Variants in CTNNA2 observed in about 807,000 individuals in gnomAD.
The protein encoded by CTNNA2 is catenin alpha-2.
CTNNA2 carries 42 observed loss-of-function variants against 101.0 expected under a neutral mutation model. The ratio of observed to expected loss-of-function variants is 0.42; its 90% CI spans 0.32 to 0.54. The LOEUF is 0.54. Ranked by LOEUF, CTNNA2 falls within the 20% of genes least tolerant of loss-of-function variation. The pLI is 0.14. For synonymous variants in CTNNA2, 450 were observed against 456.4 expected (o/e 0.99, Z 0.18); for missense variants, 871 against 1,223.1 (o/e 0.71, Z 4.29).
intron 7 of CTNNA2, among the ~76,000 whole-genome samples, chr2:80,025,189 G>A (rs1694856278): frequency 2.0e-5 from 3 of 152,122 alleles, no homozygotes; most frequent in Non-Finnish European, 2.9e-5. Context: ...GGTGGGTAGC[G>A]GGATGGGCCA....
intron 2 of CTNNA2, among the ~76,000 whole-genome samples, chr2:79,243,770 C>T (rs761795741): frequency 7.2e-5 from 11 of 151,840 alleles, no homozygotes; most frequent in South Asian, 2.1e-4. Context: ...TAAGATTAAC[C>T]GAGGGAAGGG....
At chr2:79,362,880 CAG>C (rs1677662767) in intron 3 of CTNNA2, among the ~76,000 whole-genome samples, 1 of 152,152 alleles carries the variant, frequency 6.6e-6, no homozygotes, top group Admixed American at 6.5e-5. Flanking sequence ...TTTCAAGCCG[CAG>C]AGACTGGGGA....
rs963963067 is a variant in CTNNA2, at chr2:80,575,773, A to AACAC, written c.1893+1471_1893+1474dup. ...ATTCACTTACTAATTCATGAGCTGT[A>AACAC]ACACACACACACACATACACACACA... On this transcript the variant is annotated intron_variant, in intron 13 of 18. Transcript: ENST00000402739. Among the ~76,000 whole-genome samples the AACAC allele has an allele frequency of 2.6e-5, 4 of 151,558 alleles. No homozygotes were observed. The East Asian group carries it at 7.7e-4, about 29-fold the overall frequency.
intron 1 of CTNNA2, among the ~76,000 whole-genome samples, chr2:79,600,876 G>C (rs763839103): frequency 6.6e-6 from 1 of 151,958 alleles, no homozygotes; most frequent in Non-Finnish European, 1.5e-5. Context: ...TCATCTCTCT[G>C]CTGTTTCTTA....
intron 2 of CTNNA2, among the ~76,000 whole-genome samples, chr2:79,705,676 TTTAC>T (rs1363563094): frequency 6.6e-6 from 1 of 152,192 alleles, no homozygotes; most frequent in Non-Finnish European, 1.5e-5. Context: ...CTGTTTGTCC[TTTAC>T]TTGAGGACCT....
At chr2:80,495,773 T>C (rs1273472174) in intron 9 of CTNNA2, among the ~76,000 whole-genome samples, 1 of 151,724 alleles carries the variant, frequency 6.6e-6, no homozygotes, top group East Asian at 1.9e-4. Context: ...ACCCCATCTC[T>C]ACTAAAAAAT....
intron 4 of CTNNA2, among the ~76,000 whole-genome samples, chr2:79,411,512 A>T (rs1005452187): frequency 6.6e-6 from 1 of 152,070 alleles, no homozygotes; most frequent in African/African-American, 2.4e-5. Flanking sequence ...CGGGTTACCC[A>T]CAAAGGGAAG....
At chr2:80,532,704 A>G (rs1690648940) in intron 9 of CTNNA2, among the ~76,000 whole-genome samples, 1 of 152,152 alleles carries the variant, frequency 6.6e-6, no homozygotes, top group Admixed American at 6.5e-5. Flanking sequence ...GGTATTTCCC[A>G]TGGATTAGAA....
chr2:80,303,405 G>A lies in CTNNA2; in HGVS notation c.1057-89806G>A, dbSNP rs576413227. 4 of 1,614,228 alleles carry A rather than the reference G, an allele frequency of 2.5e-6. No homozygotes were observed. The African/African-American group carries it at 4.0e-5, about 16-fold the overall frequency. ...TTGTACGAGAGGTCCACGCTGCGCA[G>A]GTTGGGCATGGGCCGGAAGGTGGTG... On this transcript the variant is annotated intron_variant, in intron 7 of 18. Transcript: ENST00000402739. The surrounding 1 kb of genome is among the most constrained non-coding windows in gnomAD (Gnocchi z 7.7).
intron 7 of CTNNA2, among the ~76,000 whole-genome samples, chr2:80,065,330 T>C (rs1697908874): frequency 6.6e-6 from 1 of 151,620 alleles, no homozygotes. Flanking sequence ...TGTATCTGCC[T>C]GTTTAGGTTC....
intron 4 of CTNNA2, among the ~76,000 whole-genome samples, chr2:79,401,520 T>A (rs1226989528): frequency 6.6e-6 from 1 of 151,588 alleles, no homozygotes; most frequent in African/African-American, 2.4e-5. Flanking sequence ...TATTATAAAT[T>A]AAGTTTTTAT....
chr2:80,220,412 G>T (rs79399962), intron 7 of CTNNA2, among the ~76,000 whole-genome samples: 1,585 of 152,244 alleles, frequency 0.01, 27 homozygotes, highest in African/African-American at 0.036. Context: ...ACAGTAAGTT[G>T]CCTAGTTTTT....
At chr2:79,829,576 A>C (rs1385666299) in intron 3 of CTNNA2, among the ~76,000 whole-genome samples, 1 of 151,272 alleles carries the variant, frequency 6.6e-6, no homozygotes, top group Admixed American at 6.6e-5. Context: ...TCTCAAATAA[A>C]ATAATTAAAA....
intron 4 of CTNNA2, among the ~76,000 whole-genome samples, chr2:79,472,667 A>T (rs1462558420): frequency 6.6e-6 from 1 of 152,136 alleles, no homozygotes; most frequent in South Asian, 2.1e-4. Context: ...TAATCTCCTT[A>T]TCAAACTGTC....
intron 1 of CTNNA2, chr2:79,634,793 A>G (rs1323198332): frequency 6.6e-6 from 1 of 152,318 alleles, no homozygotes. Flanking sequence ...AAAGTCTTAG[A>G]GGAATGGGAG....
chr2:79,646,514 T>C (rs920576782), intron 1 of CTNNA2, among the ~76,000 whole-genome samples: 6 of 150,268 alleles, frequency 4.0e-5, no homozygotes, highest in Non-Finnish European at 8.8e-5. Context: ...TTTAAAACTT[T>C]TCTTTCTGTC....
intron 3 of CTNNA2, among the ~76,000 whole-genome samples, chr2:79,317,966 A>G (rs185838374): frequency 4.3e-3 from 649 of 152,174 alleles, no homozygotes; most frequent in Middle Eastern, 0.01. Flanking sequence ...TACAAACAAG[A>G]TTAGAGTAAA....
chr2:80,314,516 G>A (rs1302624001), intron 7 of CTNNA2, among the ~76,000 whole-genome samples: 1 of 152,146 alleles, frequency 6.6e-6, no homozygotes, highest in Admixed American at 6.5e-5. Context: ...TATAGGGATG[G>A]CCATGGGACT....
chr2:79,889,499 A>G (rs1684156316), intron 6 of CTNNA2, among the ~76,000 whole-genome samples: 1 of 152,202 alleles, frequency 6.6e-6, no homozygotes, highest in African/African-American at 2.4e-5. Context: ...CATGCTAAAC[A>G]ATGGTGGGAC....
Sources: gnomAD v4.1 joint callset for allele counts (sites outside exome capture counted in the v4.1 genomes callset) on GRCh38, gnomAD v4.1.1 for gene constraint, Gnocchi (gnomAD v3.1) non-coding constraint, MANE v1.5 for transcripts, NCBI Gene and HGNC (gene_info 2026-07-23, HGNC 2026-07-21) for gene names.